Variants in MYOT observed in about 807,000 individuals in gnomAD.
MYOT encodes the protein myotilin, also known as 57 kDa cytoskeletal protein.
In MYOT, 36 loss-of-function variants were observed where a neutral mutation model predicts 58.0. The observed-to-expected ratio is 0.62, with a 90% CI of 0.48 to 0.82. The LOEUF (loss-of-function observed/expected upper bound fraction) is 0.82. Ranked by LOEUF, MYOT falls within the 40% of genes least tolerant of loss-of-function variation. MYOT has a pLI of 0.00. For missense variants in MYOT, 505 were observed against 592.1 expected (o/e 0.85, Z 1.53); for synonymous variants, 218 against 204.6 (o/e 1.07, Z -0.56).
At chr5:137,880,907 T>G (rs2149986023) in intron 5 of MYOT, 42 bp downstream of exon 5, 1 of 1,340,518 alleles carries the variant, frequency 7.5e-7, no homozygotes, top group Admixed American at 1.8e-5. Flanking sequence ...TTTTCCTATC[T>G]AAAATATTTT....
At chr5:137,877,192 C>A (rs1319573095) in intron 3 of MYOT, among the ~76,000 whole-genome samples, 2 of 151,644 alleles carry the variant, frequency 1.3e-5, no homozygotes, top group Non-Finnish European at 2.9e-5. Flanking sequence ...CACAGTGAAA[C>A]CCCGTCTCTA....
chr5:137,883,641 GA>G, intron 7 of MYOT, 50 bp downstream of exon 7: 2 of 1,524,678 alleles, frequency 1.3e-6, no homozygotes, highest in Non-Finnish European at 1.8e-6. Context: ...CAGAAGTATT[GA>G]AAAAAAGAAA....
intron 2 of MYOT, among the ~76,000 whole-genome samples, chr5:137,874,695 C>T (rs1183808707): frequency 2.6e-5 from 4 of 152,126 alleles, no homozygotes; most frequent in Admixed American, 2.0e-4. Flanking sequence ...GAAATAAAGA[C>T]TTTATTTGCT....
At chr5:137,876,160 C>A in intron 3 of MYOT, 157 bp downstream of exon 3, 3 of 721,016 alleles carry the variant, frequency 4.2e-6, no homozygotes, top group Non-Finnish European at 6.9e-6. Flanking sequence ...TTTCTCTCTG[C>A]ATGAAATCAC....
intron 7 of MYOT, among the ~76,000 whole-genome samples, chr5:137,885,285 G>A (rs536347307): frequency 6.6e-6 from 1 of 151,918 alleles, no homozygotes; most frequent in Non-Finnish European, 1.5e-5. Context: ...TATTTTGTGT[G>A]GTAGACACAA....
At chr5:137,876,539 C>G (rs987811377) in intron 3 of MYOT, among the ~76,000 whole-genome samples, 2 of 152,186 alleles carry the variant, frequency 1.3e-5, no homozygotes, top group African/African-American at 4.8e-5. Flanking sequence ...GGTGCAGTGG[C>G]TCACGTCTGT....
rs182732712 is a variant in MYOT, at chr5:137,868,187, C to A, written c.-212+234C>A. Among the ~76,000 whole-genome samples, 277 of 152,240 alleles carry A rather than the reference C, an allele frequency of 1.8e-3. 1 individual carries two copies. Among genetic ancestry groups the A allele is most frequent in the African/African-American group, 6.5e-3 (270 of 41,542 alleles). Reference sequence around the variant, plus strand: ...CTGTGTGTCATTATTTTTAAATCACCATTTTTCCTTGAAAAGGGACACTTG... The same window carrying A: ...CTGTGTGTCATTATTTTTAAATCACAATTTTTCCTTGAAAAGGGACACTTG... On this transcript the variant is annotated intron_variant, in intron 1 of 9. Coordinates refer to ENST00000239926, the MANE Select transcript of MYOT (RefSeq NM_006790.3).
chr5:137,871,046 A>C, intron 2 of MYOT, 39 bp downstream of exon 2: 1 of 1,562,508 alleles, frequency 6.4e-7, no homozygotes, highest in Non-Finnish European at 8.8e-7. Flanking sequence ...CAGTGAACTT[A>C]TATCTGAGGA....
At chr5:137,868,112 C>T (rs1023334369) in intron 1 of MYOT, among the ~76,000 whole-genome samples, 159 bp downstream of exon 1, 2 of 152,150 alleles carry the variant, frequency 1.3e-5, no homozygotes, top group African/African-American at 4.8e-5. Context: ...GCGACTCATT[C>T]ATTTCATTGA....
intron 2 of MYOT, among the ~76,000 whole-genome samples, chr5:137,874,669 T>A (rs1037584158): frequency 6.6e-6 from 1 of 151,960 alleles, no homozygotes; most frequent in Non-Finnish European, 1.5e-5. Flanking sequence ...ATAGAAAAAA[T>A]TTAGGATCAA....
At chr5:137,881,789 C>T (rs1196600088) in intron 5 of MYOT, among the ~76,000 whole-genome samples, 184 bp from the exon 6 acceptor site, 10 of 151,922 alleles carry the variant, frequency 6.6e-5, no homozygotes, top group Admixed American at 6.6e-5. Context: ...CTCCGCCTCC[C>T]GGGTTCAAGC....
intron 4 of MYOT, among the ~76,000 whole-genome samples, chr5:137,879,335 CTTAAAT>C (rs1286475608): frequency 6.6e-6 from 1 of 151,968 alleles, no homozygotes; most frequent in Admixed American, 6.6e-5. Flanking sequence ...GAAAAGAGAA[CTTAAAT>C]TTATTTTTGG....
At chr5:137,875,479 C>A (rs1012030331) in intron 2 of MYOT, among the ~76,000 whole-genome samples, 2 of 152,064 alleles carry the variant, frequency 1.3e-5, no homozygotes, top group Non-Finnish European at 2.9e-5. Context: ...ACATGTACTC[C>A]CAGAATCTAA....
intron 3 of MYOT, among the ~76,000 whole-genome samples, chr5:137,876,712 G>A (rs1027939917): frequency 1.3e-5 from 2 of 152,178 alleles, no homozygotes; most frequent in African/African-American, 4.8e-5. Flanking sequence ...GCTGAGAAAG[G>A]AGAATTGCTT....
intron 5 of MYOT, 107 bp from the exon 6 acceptor site, chr5:137,881,866 G>C (rs1025069213): frequency 5.2e-5 from 62 of 1,186,768 alleles, no homozygotes; most frequent in Non-Finnish European, 6.9e-5. Flanking sequence ...TGGGCAACAA[G>C]AGTGAAACTC....
At chr5:137,868,583 A>C (rs1754943298) in intron 1 of MYOT, among the ~76,000 whole-genome samples, 1 of 152,356 alleles carries the variant, frequency 6.6e-6, no homozygotes, top group East Asian at 1.9e-4. Context: ...ATGTAGGCCA[A>C]TATCAACATG....
In MYOT at chr5:137,871,112, A is replaced by G. The variant is rs1427488059; in HGVS notation, c.356+105A>G. On this transcript the variant is annotated intron_variant, in intron 2 of 9. Coordinates refer to ENST00000239926, the MANE Select transcript of MYOT (RefSeq NM_006790.3). ...TGCTGCAGTTCATTCTTTACTATCT[A>G]AAAAGGCAATGTGACCTTACAGTCT... The G allele has an allele frequency of 3.1e-6, 3 of 962,456 alleles. No individual in the cohort carries two copies. In the Admixed American group the frequency reaches 6.0e-5, roughly 19 times the overall value. The allele number at this position is 962,456 out of a possible 1,614,324, so 59.6% of individuals were successfully genotyped here.
At chr5:137,884,365 T>C (rs1755530665) in intron 7 of MYOT, among the ~76,000 whole-genome samples, 1 of 152,054 alleles carries the variant, frequency 6.6e-6, no homozygotes, top group African/African-American at 2.4e-5. Context: ...AAAAATTTCT[T>C]AAAAAATCAA....
At chr5:137,881,468 C>G (rs997505745) in intron 5 of MYOT, among the ~76,000 whole-genome samples, 4 of 152,214 alleles carry the variant, frequency 2.6e-5, no homozygotes, top group Middle Eastern at 3.4e-3. Context: ...AGTTCAAGAC[C>G]AGGCTGACCA....
Sources: gnomAD v4.1 joint callset for allele counts (sites outside exome capture counted in the v4.1 genomes callset) on GRCh38, gnomAD v4.1.1 for gene constraint, MANE v1.5 for transcripts, NCBI Gene and HGNC (gene_info 2026-07-23, HGNC 2026-07-21) for gene names.